The following MINDY4B variants were observed in gnomAD, a reference collection of about 807,000 sequenced individuals.
The protein encoded by MINDY4B is MINDY family member 4B.
In MINDY4B, 25 loss-of-function variants were observed where a neutral mutation model predicts 16.7. That is an observed-to-expected ratio of 1.49 (90% CI 1.09 to 2.09). The LOEUF is 2.09. Among genes scored for constraint, MINDY4B ranks in the 30% most tolerant of loss-of-function variants. MINDY4B has a pLI of 0.00. For missense variants in MINDY4B, 327 were observed against 168.4 expected (o/e 1.94, Z -5.21); for synonymous variants, 132 against 61.9 (o/e 2.13, Z -5.32).
intron 8 of MINDY4B, among the ~76,000 whole-genome samples, chr3:150,885,167 T>G (rs1330788704): frequency 6.6e-6 from 1 of 152,190 alleles, no homozygotes; most frequent in East Asian, 1.9e-4. Flanking sequence ...AAGAACAGAT[T>G]CAAACTTGAC....
intron 3 of MINDY4B, among the ~76,000 whole-genome samples, chr3:150,896,507 G>C (rs1711971633): frequency 6.6e-6 from 1 of 152,138 alleles, no homozygotes; most frequent in Non-Finnish European, 1.5e-5. Flanking sequence ...TCTCATTTGG[G>C]TAGGCTCTGT....
chr3:150,883,180 AT>A (rs1423535456), intron 9 of MINDY4B, 122 bp from the exon 10 acceptor site: 22 of 571,830 alleles, frequency 3.8e-5, no homozygotes, highest in Non-Finnish European at 6.2e-5. Context: ...CATGATACAT[AT>A]TTCAGGAAAA....
chr3:150,872,435 G>C (rs1002184865), intron 11 of MINDY4B, among the ~76,000 whole-genome samples: 1 of 152,216 alleles, frequency 6.6e-6, no homozygotes, highest in Admixed American at 6.5e-5. Context: ...ATACAGCTAA[G>C]GCTATGGATA....
chr3:150,887,352 C>G (rs1407381159), intron 7 of MINDY4B, among the ~76,000 whole-genome samples: 1 of 152,176 alleles, frequency 6.6e-6, no homozygotes, highest in East Asian at 1.9e-4. Context: ...TTGCTTATTT[C>G]TGGAATTTTC....
intron 7 of MINDY4B, among the ~76,000 whole-genome samples, chr3:150,888,288 A>T (rs185529093): frequency 6.6e-6 from 1 of 151,816 alleles, no homozygotes; most frequent in African/African-American, 2.4e-5. Context: ...CTCTTGTAAA[A>T]GATACCAGCC....
chr3:150,872,085 GT>G (rs1480986572), intron 11 of MINDY4B, among the ~76,000 whole-genome samples: 1 of 152,148 alleles, frequency 6.6e-6, no homozygotes, highest in African/African-American at 2.4e-5. Flanking sequence ...AGAAATCCTA[GT>G]ACTTACCTCA....
intron 10 of MINDY4B, among the ~76,000 whole-genome samples, chr3:150,875,339 G>A (rs1717062802): frequency 6.6e-6 from 1 of 152,186 alleles, no homozygotes; most frequent in Non-Finnish European, 1.5e-5. Context: ...TATCAAGGTT[G>A]AAAAACTTGA....
chr3:150,888,863 T>C (rs1295322298), intron 7 of MINDY4B, among the ~76,000 whole-genome samples: 1 of 152,054 alleles, frequency 6.6e-6, no homozygotes, highest in Non-Finnish European at 1.5e-5. Flanking sequence ...CTTGCAGATA[T>C]GGGTGGGTGG....
At position 150,893,702 on chromosome 3, in the gene MINDY4B, GGGGGGT is replaced by G. The variant is rs1273014905; in HGVS notation, c.430-293_430-288del. Among the ~76,000 whole-genome samples the G allele has an allele frequency of 1.4e-3, 122 of 89,774 alleles. 3 individuals carry two copies. The highest frequency in any genetic ancestry group is 3.0e-3 in the African/African-American group (98 of 32,272). The allele number at this position is 89,774 out of a possible 152,430, so 58.9% of individuals were successfully genotyped here. On this transcript the variant is annotated intron_variant, in intron 4 of 11. Coordinates refer to ENST00000465419, the MANE Select transcript of MINDY4B (RefSeq NM_001351281.2). Reference sequence around the variant, plus strand: ...CTTCATAGTAGTTTTTTTTTGGGGGGGGGGGTGGGGTGCAGTCTTGCTCTGTCTCCC... The same window carrying G: ...CTTCATAGTAGTTTTTTTTTGGGGGGGGGGTGCAGTCTTGCTCTGTCTCCC...
rs772832565 is a variant in MINDY4B at position 150,885,370 on chromosome 3, T to C, written c.822A>G (p.Glu274=). ...GTGTAAACATCTGTAGAATTTACCT[T>C]TCAAATGTTCTAGAGAAGATCAGGC... is the stretch of plus-strand genomic sequence containing the variant. The part of the protein sequence containing the change: ...LYSLIFSRTF[E]RLQMDLDVTT... Residue 274 remains glutamate, a splice_region_variant and synonymous_variant, in exon 8 of 12, where the codon GAA becomes GAG. Transcript: ENST00000465419. 2 of 702,826 alleles carry C rather than the reference T, an allele frequency of 2.8e-6. No homozygotes were observed. The highest frequency in any genetic ancestry group is 4.0e-5 in the Admixed American group (2 of 50,016). 43.5% of individuals were successfully genotyped at this position (702,826 alleles called of 1,614,324 possible). A position where few individuals can be genotyped will look rare whatever the true frequency, so the allele number is the denominator to read the frequency against.
Position 150,870,844 on chromosome 3 carries a change from G to A in MINDY4B, c.*201C>T, listed in dbSNP as rs1716949339. Among the ~76,000 whole-genome samples the A allele has an allele frequency of 6.6e-6, 1 of 152,184 alleles. No individual in the cohort carries two copies. Among genetic ancestry groups the A allele is most frequent in the Non-Finnish European group, 1.5e-5 (1 of 68,036 alleles). On this transcript the variant is annotated 3_prime_UTR_variant, in exon 12 of 12. Transcript: ENST00000465419. ...GCACCATGCAGGCCCTGGTGTGGGG[G>A]CCTGTGTTTCTCCTACAATGCTGAC...
At chr3:150,875,058 C>T in intron 10 of MINDY4B, among the ~76,000 whole-genome samples, 1 of 152,208 alleles carries the variant, frequency 6.6e-6, no homozygotes, top group Non-Finnish European at 1.5e-5. Context: ...GGAGTTATCT[C>T]CTCTGGGCTG....
Position 150,900,085 on chromosome 3 carries a change from G to T in MINDY4B, c.309+3164C>A, listed in dbSNP as rs116575547. Among the ~76,000 whole-genome samples, 506 of 152,336 alleles carry T rather than the reference G, an allele frequency of 3.3e-3. 4 individuals carry two copies. The highest frequency in any genetic ancestry group is 0.012 in the African/African-American group (481 of 41,570). ...GAGAGAAGGAAGGTCATTAGGTGGGGCTGGTGGAATAGCCTGGAGGCGATG... is the reference window on the plus strand; with the variant it reads ...GAGAGAAGGAAGGTCATTAGGTGGGTCTGGTGGAATAGCCTGGAGGCGATG... On this transcript the variant is annotated intron_variant, in intron 3 of 11. Coordinates refer to ENST00000465419, the MANE Select transcript of MINDY4B (RefSeq NM_001351281.2).
chr3:150,886,587 T>C (rs1379251931), intron 7 of MINDY4B, among the ~76,000 whole-genome samples: 1 of 152,248 alleles, frequency 6.6e-6, no homozygotes, highest in African/African-American at 2.4e-5. Context: ...AAGTCCAATA[T>C]GGGTCTCACT....
Position 150,883,757 on chromosome 3 carries a change from T to C in MINDY4B, c.840A>G (p.Leu280=), listed in dbSNP as rs16862957. The C allele has an allele frequency of 0.045, 31,327 of 702,682 alleles. 1,237 individuals carry two copies. Among genetic ancestry groups the C allele is most frequent in the African/African-American group, 0.14 (8,053 of 57,314 alleles). The allele number at this position is 702,682 out of a possible 1,614,324, so 43.5% of individuals were successfully genotyped here. A position where few individuals can be genotyped will look rare whatever the true frequency, so the allele number is the denominator to read the frequency against. ...GTAGCAGCTGAGTGGTGGTGACATC[T>C]AGGTCCATTTGAAGCCTGCAGAGTG... The part of the protein sequence containing the change: ...SRTFERLQMD[L]DVTTTQLLQP... The change falls in exon 9 of 12, where the codon CTA becomes CTG. Residue 280 remains leucine, a synonymous_variant. Transcript: ENST00000465419.
chr3:150,887,844 C>G (rs1232705297), intron 7 of MINDY4B, among the ~76,000 whole-genome samples: 1 of 152,004 alleles, frequency 6.6e-6, no homozygotes. Flanking sequence ...CGCGGTGGCT[C>G]ACGCCTGTAA....
intron 7 of MINDY4B, among the ~76,000 whole-genome samples, chr3:150,886,990 T>C (rs908891970): frequency 3.9e-5 from 6 of 152,242 alleles, no homozygotes; most frequent in African/African-American, 1.4e-4. Context: ...CCTGTATATA[T>C]GATGTTTCTT....
At chr3:150,903,604 G>A (rs1670788603) in intron 2 of MINDY4B, among the ~76,000 whole-genome samples, 188 bp from the exon 3 acceptor site, 2 of 152,190 alleles carry the variant, frequency 1.3e-5, no homozygotes, top group South Asian at 2.1e-4. Context: ...TGTCAAAGGG[G>A]TTTCTCATAA....
At chr3:150,897,497 A>G (rs1712007673) in intron 3 of MINDY4B, among the ~76,000 whole-genome samples, 1 of 152,096 alleles carries the variant, frequency 6.6e-6, no homozygotes, top group African/African-American at 2.4e-5. Flanking sequence ...CGGAGCGTGG[A>G]GCTCAATGGG....
Sources: gnomAD v4.1 joint callset for allele counts (sites outside exome capture counted in the v4.1 genomes callset) on GRCh38, gnomAD v4.1.1 for gene constraint, MANE v1.5 for transcripts, NCBI Gene and HGNC (gene_info 2026-07-23, HGNC 2026-07-21) for gene names.